Variants in LAMC2 observed in about 807,000 individuals in gnomAD.
LAMC2 encodes laminin subunit gamma-2.
In LAMC2, 97 loss-of-function variants were observed where a neutral mutation model predicts 140.2. The observed-to-expected ratio is 0.69, with a 90% CI of 0.59 to 0.82. The LOEUF is 0.82. LAMC2 is among the 40% of genes least tolerant of loss of function. The probability of loss-of-function intolerance (pLI) is 0.00; values close to 1 mark genes in which losing one functional copy is unlikely to be tolerated. For synonymous variants in LAMC2, 513 were observed against 540.2 expected, an observed-to-expected ratio of 0.95 and a Z score of 0.70; for missense variants, 1,402 against 1,476.1, an observed-to-expected ratio of 0.95 and a Z score of 0.82.
intron 17 of LAMC2, 84 bp downstream of exon 17, chr1:183,236,688 C>T: frequency 6.7e-7 from 1 of 1,495,126 alleles, no homozygotes; most frequent in Non-Finnish European, 9.3e-7. Flanking sequence ...ATTGTTCAAA[C>T]ATTCAGCTTT....
chr1:183,224,343 T>C (rs959519409), intron 7 of LAMC2, among the ~76,000 whole-genome samples: 1 of 152,066 alleles, frequency 6.6e-6, no homozygotes, highest in East Asian at 1.9e-4. Context: ...TTTGCAAAGG[T>C]TGGAAAAGGA....
At chr1:183,192,881 T>C (rs1389785698) in intron 1 of LAMC2, among the ~76,000 whole-genome samples, 1 of 152,146 alleles carries the variant, frequency 6.6e-6, no homozygotes, top group East Asian at 1.9e-4. Context: ...ATTTTTTGTA[T>C]TTTTAGTAGA....
intron 1 of LAMC2, among the ~76,000 whole-genome samples, chr1:183,196,837 A>G (rs879763999): frequency 5.9e-5 from 9 of 152,206 alleles, no homozygotes; most frequent in Admixed American, 3.9e-4. Context: ...TTCTTTTATA[A>G]AGCAAGAATT....
chr1:183,255,019 T>C, the LAMC2 span, among the ~76,000 whole-genome samples: 1 of 152,344 alleles, frequency 6.6e-6, no homozygotes, highest in South Asian at 2.1e-4. Flanking sequence ...TTTTCCTTTA[T>C]GTTTTCTTCT....
intron 17 of LAMC2, 126 bp from the exon 18 acceptor site, chr1:183,237,226 C>G: frequency 1.9e-6 from 2 of 1,033,234 alleles, no homozygotes; most frequent in Non-Finnish European, 3.0e-6. Flanking sequence ...GCCTGGATGG[C>G]TAGTGACTAT....
Position 183,232,689 on chromosome 1 carries a change from G to A in LAMC2, c.2052G>A (p.Val684=). 1 of 1,613,514 alleles carries A rather than the reference G, an allele frequency of 6.2e-7. No homozygotes were observed. The highest frequency in any genetic ancestry group is 8.5e-7 in the Non-Finnish European group (1 of 1,179,938). Residue 684 remains valine (V), a synonymous_variant, in exon 14 of 23, where the codon GTG becomes GTA. Transcript: ENST00000264144. ...SRSLGLQLAK[V]RSQENSYQSR... ...CCCTTGGTCTCCAGTTGGCCAAGGT[G>A]AGGAGCCAAGAGAACAGCTACCAGA...
intron 11 of LAMC2, among the ~76,000 whole-genome samples, chr1:183,230,325 C>T (rs1183136177): frequency 2.0e-5 from 3 of 152,172 alleles, no homozygotes; most frequent in Non-Finnish European, 4.4e-5. Flanking sequence ...CACTTAGATA[C>T]GTAATCAGCG....
intron 1 of LAMC2, among the ~76,000 whole-genome samples, chr1:183,193,465 A>G (rs1054649353): frequency 1.3e-5 from 2 of 151,990 alleles, no homozygotes; most frequent in African/African-American, 4.8e-5. Flanking sequence ...TCTTTCAGAA[A>G]GAGGTCTGTT....
In LAMC2 at chr1:183,232,734, G is replaced by A. The variant is rs1659837626; in HGVS notation, c.2097G>A (p.Lys699=). The change falls in exon 14 of 23, where the codon AAG becomes AAA. Residue 699 remains lysine (K), a synonymous_variant. Coordinates refer to ENST00000264144, the MANE Select transcript of LAMC2 (RefSeq NM_005562.3). ...ACCAGAGCCGCCTGGATGACCTCAA[G>A]ATGACTGTGGAAAGAGTTCGGGCTC... ...NSYQSRLDDL[K]MTVERVRALG... 6.2e-7 allele frequency: 1 copy of A among 1,614,028 alleles called. No individual in the cohort carries two copies.
intron 1 of LAMC2, among the ~76,000 whole-genome samples, chr1:183,190,134 G>A (rs1658285447): frequency 1.3e-5 from 2 of 152,304 alleles, no homozygotes; most frequent in Admixed American, 1.3e-4. Context: ...ACTTGGGCAA[G>A]CTACCTCACC....
intron 18 of LAMC2, among the ~76,000 whole-genome samples, 181 bp from the exon 19 acceptor site, chr1:183,238,126 A>G (rs1660020894): frequency 6.6e-6 from 1 of 152,172 alleles, no homozygotes; most frequent in Non-Finnish European, 1.5e-5. Context: ...GTTTCTCTAT[A>G]TGGAATGTGT....
Position 183,232,263 on chromosome 1 carries a change from C to G in LAMC2, c.1934C>G (p.Pro645Arg), listed in dbSNP as rs1229687355. The change falls in exon 13 of 23, where the codon CCT becomes CGT. Residue 645 changes from proline to arginine, a missense_variant. Transcript: ENST00000264144. ...SKAQGGDGVV[P>R]DTELEGRMQQ... is the part of the protein sequence containing the mutation. ...GCTCAGGGTGGTGATGGAGTAGTAC[C>G]TGATACAGAGCTGGAAGGCAGGATG... The G allele has an allele frequency of 6.2e-7, 1 of 1,614,032 alleles. No individual in the cohort carries two copies. Among genetic ancestry groups the G allele is most frequent in the Non-Finnish European group, 8.5e-7 (1 of 1,180,012 alleles).
chr1:183,244,495 G>T lies in LAMC2; in HGVS notation c.*1095G>T, dbSNP rs1464692430. ...GTGGGACAGTGGTGACATAGTCTCT[G>T]CCCTCATAGAGTTGATTGTCTAGTG... is the stretch of plus-strand genomic sequence containing the variant. On this transcript the variant is annotated 3_prime_UTR_variant, in exon 23 of 23. Coordinates refer to ENST00000264144, the MANE Select transcript of LAMC2 (RefSeq NM_005562.3). 1 of 152,472 alleles carries T rather than the reference G, an allele frequency of 6.6e-6. No individual in the cohort carries two copies. Among genetic ancestry groups the T allele is most frequent in the African/African-American group, 2.4e-5 (1 of 41,428 alleles). The allele number at this position is 152,472 out of a possible 1,614,324, so 9.4% of individuals were successfully genotyped here.
rs567728036 is a variant in LAMC2 at position 183,221,704 on chromosome 1, G to A, written c.641-385G>A. On this transcript the variant is annotated intron_variant, in intron 5 of 22. Transcript: ENST00000264144. ...AGATCGCGCCACTGCACTCCAGCCT[G>A]GGTGACAGAGCGAGACTCCGTCTTA... Among the ~76,000 whole-genome samples the A allele has an allele frequency of 5.2e-4, 79 of 151,586 alleles. 1 individual carries two copies. The highest frequency in any genetic ancestry group is 1.8e-3 in the African/African-American group (73 of 41,288).
At chr1:183,208,562 G>A (rs1246347214) in intron 2 of LAMC2, among the ~76,000 whole-genome samples, 1 of 152,208 alleles carries the variant, frequency 6.6e-6, no homozygotes, top group Non-Finnish European at 1.5e-5. Flanking sequence ...AAAGGAGACA[G>A]ACAAGTAAAC....
intron 4 of LAMC2, among the ~76,000 whole-genome samples, chr1:183,219,414 C>T (rs1273603207): frequency 2.0e-5 from 3 of 152,176 alleles, no homozygotes; most frequent in Non-Finnish European, 2.9e-5. Flanking sequence ...GAAATGTTAT[C>T]ACCACCAATG....
At position 183,240,051 on chromosome 1, in the gene LAMC2, T is replaced by C. The variant is rs775906491; in HGVS notation, c.3081T>C (p.Ser1027=). 49 of 1,613,840 alleles carry C rather than the reference T, an allele frequency of 3.0e-5. No individual in the cohort carries two copies. Among genetic ancestry groups the C allele is most frequent in the Non-Finnish European group, 8.5e-7 (1 of 1,180,016 alleles). The change falls in exon 21 of 23, where the codon AGT becomes AGC. Residue 1027 remains serine (S), a synonymous_variant. Coordinates refer to ENST00000264144, the MANE Select transcript of LAMC2 (RefSeq NM_005562.3). ...TTTTCTTCTCTCAGGAGATTGGGAGTCTGAACTTGGAAGCCAATGTGACAG... is the reference window on the plus strand; with the variant it reads ...TTTTCTTCTCTCAGGAGATTGGGAGCCTGAACTTGGAAGCCAATGTGACAG... ...ISSEIEQEIG[S]LNLEANVTAD...
chr1:183,238,166 G>T, intron 18 of LAMC2, 141 bp from the exon 19 acceptor site: 1 of 684,010 alleles, frequency 1.5e-6, no homozygotes, highest in South Asian at 1.6e-5. Context: ...CTCTGTCCCA[G>T]ATTGTAGAGG....
the LAMC2 span, among the ~76,000 whole-genome samples, chr1:183,257,998 C>T: frequency 1.3e-5 from 2 of 152,152 alleles, no homozygotes; most frequent in Non-Finnish European, 2.9e-5. Context: ...AAGCTTTCCT[C>T]TTAGAACTAT....
Sources: gnomAD v4.1 joint callset for allele counts (sites outside exome capture counted in the v4.1 genomes callset) on GRCh38, gnomAD v4.1.1 for gene constraint, MANE v1.5 for transcripts, NCBI Gene and HGNC (gene_info 2026-07-23, HGNC 2026-07-21) for gene names.